Variants in BCAT2 observed in about 807,000 individuals in gnomAD.
BCAT2 encodes branched-chain-amino-acid aminotransferase, mitochondrial.
BCAT2 carries 44 observed loss-of-function variants against 52.9 expected under a neutral mutation model. That is an observed-to-expected ratio of 0.83 (90% CI 0.65 to 1.07). The LOEUF (loss-of-function observed/expected upper bound fraction) is 1.07. BCAT2 is among the 50% of genes least tolerant of loss of function. The pLI, the probability that BCAT2 is intolerant of heterozygous loss-of-function variation, is 0.00. For missense variants in BCAT2, 478 were observed against 521.8 expected, an observed-to-expected ratio of 0.92 and a Z score of 0.82; for synonymous variants, 215 against 217.1, an observed-to-expected ratio of 0.99 and a Z score of 0.08.
At chr19:48,804,040 C>T (rs924920898) in intron 3 of BCAT2, among the ~76,000 whole-genome samples, 6 of 152,062 alleles carry the variant, frequency 3.9e-5, no homozygotes, top group Non-Finnish European at 7.4e-5. Flanking sequence ...TCTATAATCC[C>T]AGCTACTCAG....
chr19:48,803,455 G>C (rs899795280), intron 3 of BCAT2, among the ~76,000 whole-genome samples: 1 of 152,094 alleles, frequency 6.6e-6, no homozygotes, highest in African/African-American at 2.4e-5. Flanking sequence ...TGGAGCCTGG[G>C]AGGTCAAGGC....
chr19:48,801,589 T>C (rs937913392), intron 3 of BCAT2, among the ~76,000 whole-genome samples: 2 of 152,092 alleles, frequency 1.3e-5, no homozygotes, highest in South Asian at 2.1e-4. Context: ...TATTACACCA[T>C]AAAAGCTATA....
rs763609699 is a variant in BCAT2, at chr19:48,796,409, C to T, written c.1140+19G>A. The T allele has an allele frequency of 6.2e-7, 1 of 1,614,140 alleles. No individual in the cohort carries two copies. The highest frequency in any genetic ancestry group is 8.5e-7 in the Non-Finnish European group (1 of 1,180,010). ...AGGGAACAAGCTCCCAGCCCATTCCCCAGCTCCCTGCAGCTCACCTGGATC... is the reference window on the plus strand; with the variant it reads ...AGGGAACAAGCTCCCAGCCCATTCCTCAGCTCCCTGCAGCTCACCTGGATC... On this transcript the variant is annotated intron_variant, in intron 10 of 10. Transcript: ENST00000316273.
intron 3 of BCAT2, among the ~76,000 whole-genome samples, chr19:48,804,439 G>A (rs1254341450): frequency 6.6e-6 from 1 of 152,164 alleles, no homozygotes; most frequent in African/African-American, 2.4e-5. Flanking sequence ...AGCTACTGGG[G>A]AGGCTGAGGC....
At chr19:48,796,283 C>G (rs776624653) in intron 10 of BCAT2, 145 bp downstream of exon 10, 1 of 1,063,676 alleles carries the variant, frequency 9.4e-7, no homozygotes, top group Non-Finnish European at 1.4e-6. Context: ...CACAGAAAGC[C>G]CACTCTCCAG....
intron 1 of BCAT2, among the ~76,000 whole-genome samples, chr19:48,808,700 AG>A (rs1488386609): frequency 1.3e-5 from 2 of 152,260 alleles, no homozygotes; most frequent in Admixed American, 1.3e-4. Context: ...GGTTGCAGTG[AG>A]CCGAGATGGT....
intron 6 of BCAT2, 104 bp from the exon 7 acceptor site, chr19:48,797,437 G>T: frequency 7.1e-7 from 1 of 1,399,416 alleles, no homozygotes; most frequent in Non-Finnish European, 9.8e-7. Context: ...CCTGCTCACA[G>T]CTCTCACAGG....
intron 3 of BCAT2, 128 bp from the exon 4 acceptor site, chr19:48,800,425 G>T: frequency 1.3e-6 from 1 of 793,674 alleles, no homozygotes; most frequent in Non-Finnish European, 2.0e-6. Context: ...GGAGAGCACC[G>T]GGGAGATTTA....
intron 1 of BCAT2, among the ~76,000 whole-genome samples, chr19:48,808,961 T>C (rs2034857072): frequency 6.8e-6 from 1 of 146,516 alleles, no homozygotes. Flanking sequence ...GTAATTCCAG[T>C]TACTCAGAAG....
At chr19:48,801,283 A>C (rs2034652474) in intron 3 of BCAT2, among the ~76,000 whole-genome samples, 1 of 151,896 alleles carries the variant, frequency 6.6e-6, no homozygotes, top group African/African-American at 2.4e-5. Flanking sequence ...TGAATAGATA[A>C]ATGAATGGAA....
intron 10 of BCAT2, chr19:48,795,752 G>A: frequency 1.9e-6 from 1 of 515,582 alleles, no homozygotes; most frequent in Non-Finnish European, 3.5e-6. Context: ...CAGAGGATGT[G>A]TAGTTCTAGG....
At chr19:48,795,753 T>C (rs1017303622) in intron 10 of BCAT2, 11 of 514,330 alleles carry the variant, frequency 2.1e-5, no homozygotes, top group African/African-American at 1.4e-4. Context: ...AGAGGATGTG[T>C]AGTTCTAGGT....
chr19:48,808,401 A>G (rs903538068), intron 1 of BCAT2: 18 of 222,148 alleles, frequency 8.1e-5, no homozygotes, highest in African/African-American at 6.2e-4. Context: ...GCACAAACAG[A>G]AAAAAAAAAA....
At chr19:48,798,361 C>T (rs1168723127) in intron 6 of BCAT2, among the ~76,000 whole-genome samples, 1 of 152,206 alleles carries the variant, frequency 6.6e-6, no homozygotes, top group Non-Finnish European at 1.5e-5. Context: ...TGCTAACAAG[C>T]CTCCCATGGC....
In BCAT2 at chr19:48,807,769, C is replaced by A; in HGVS notation, c.25-695G>T. ...GGCTCTGATTACCTGAAATACAAAC[C>A]CATTTTGGCAGTGACTCCAATTCCC... is the stretch of plus-strand genomic sequence containing the variant. On this transcript the variant is annotated intron_variant, in intron 1 of 10. Coordinates refer to ENST00000316273, the MANE Select transcript of BCAT2 (RefSeq NM_001190.4). This position sits in a 1 kb window ranked among gnomAD's most constrained non-coding sequence, Gnocchi z 4.6. 1.0e-6 allele frequency: 1 copy of A among 985,928 alleles called. No individual in the cohort carries two copies. The highest frequency in any genetic ancestry group is 1.2e-6 in the Non-Finnish European group (1 of 830,040). 61.1% of individuals were successfully genotyped at this position (985,928 alleles called of 1,614,324 possible). A position where few individuals can be genotyped will look rare whatever the true frequency, so the allele number is the denominator to read the frequency against.
rs2034911826 is a variant in BCAT2 at position 48,811,004 on chromosome 19, C to T, written c.4G>A (p.Ala2Thr). 1.2e-6 allele frequency: 2 copies of T among 1,606,820 alleles called. No individual in the cohort carries two copies. The highest frequency in any genetic ancestry group is 8.5e-7 in the Non-Finnish European group (1 of 1,177,586). MAAAALGQIWAR... is the reference protein window; with the variant it reads MTAAALGQIWAR... ...CCCACCTGCCCCAGAGCGGCTGCGG[C>T]CATGATCCGTGCGGCGCGTAACTGT... The change falls in exon 1 of 11, where the codon GCC becomes ACC. Residue 2 changes from alanine to threonine, a missense_variant. Ala to Thr is a moderately conservative substitution (Grantham distance 58). Coordinates refer to ENST00000316273, the MANE Select transcript of BCAT2 (RefSeq NM_001190.4).
intron 3 of BCAT2, among the ~76,000 whole-genome samples, chr19:48,801,490 G>C (rs2034656922): frequency 6.6e-6 from 1 of 151,886 alleles, no homozygotes; most frequent in Non-Finnish European, 1.5e-5. Context: ...TATCCATCTA[G>C]AGAAAAACTA....
intron 10 of BCAT2, 126 bp downstream of exon 10, chr19:48,796,302 T>A (rs2034513596): frequency 8.0e-7 from 1 of 1,249,340 alleles, no homozygotes; most frequent in African/African-American, 1.5e-5. Flanking sequence ...AGGGCCTCAA[T>A]AAGAAAGGCC....
At chr19:48,802,906 G>A (rs527961096) in intron 3 of BCAT2, among the ~76,000 whole-genome samples, 8 of 152,340 alleles carry the variant, frequency 5.3e-5, no homozygotes, top group Non-Finnish European at 2.9e-5. Flanking sequence ...GTATAGAGAA[G>A]AATTTCCAGG....
Sources: gnomAD v4.1 joint callset for allele counts (sites outside exome capture counted in the v4.1 genomes callset) on GRCh38, gnomAD v4.1.1 for gene constraint, Gnocchi (gnomAD v3.1) non-coding constraint, MANE v1.5 for transcripts, NCBI Gene and HGNC (gene_info 2026-07-23, HGNC 2026-07-21) for gene names.